Variants in RREB1 observed in about 807,000 individuals in gnomAD.
The protein encoded by RREB1 is ras-responsive element-binding protein 1.
RREB1 carries 27 observed loss-of-function variants against 117.8 expected under a neutral mutation model. That is an observed-to-expected ratio of 0.23 (90% CI 0.17 to 0.32). RREB1 has a LOEUF of 0.32. RREB1 is among the 10% of genes least tolerant of loss of function. The pLI, the probability that RREB1 is intolerant of heterozygous loss-of-function variation, is 1.00. For synonymous variants in RREB1, 1,298 were observed against 1,026.7 expected, an observed-to-expected ratio of 1.26 and a Z score of -5.05; for missense variants, 2,577 against 2,378.2, an observed-to-expected ratio of 1.08 and a Z score of -1.74.
chr6:7,134,896 T>C (rs1002604620), intron 1 of RREB1, among the ~76,000 whole-genome samples: 1 of 152,242 alleles, frequency 6.6e-6, no homozygotes, highest in African/African-American at 2.4e-5. Flanking sequence ...TAGGAAGATA[T>C]ATTTTCTTCC....
In RREB1 at chr6:7,248,503, T is replaced by C. The variant is rs1197429481; in HGVS notation, c.4772-8T>C. On this transcript the variant is annotated splice_polypyrimidine_tract_variant and splice_region_variant and intron_variant, in intron 12 of 12. Transcript: ENST00000379938. ...GGTTAATGGAAATTCTTTCTTCCAT[T>C]GTTCCAGGGGAAAGGCCATACAAAT... 1 of 1,612,694 alleles carries C rather than the reference T, an allele frequency of 6.2e-7. No individual in the cohort carries two copies. Among genetic ancestry groups the C allele is most frequent in the Non-Finnish European group, 8.5e-7 (1 of 1,178,778 alleles).
chr6:7,198,194 C>G (rs992438462), intron 6 of RREB1, among the ~76,000 whole-genome samples: 11 of 152,172 alleles, frequency 7.2e-5, no homozygotes, highest in African/African-American at 2.4e-4. Flanking sequence ...GGTGACCACT[C>G]AAAGGTTCAG....
intron 1 of RREB1, among the ~76,000 whole-genome samples, chr6:7,133,071 G>C (rs989830182): frequency 6.6e-6 from 1 of 152,186 alleles, no homozygotes; most frequent in African/African-American, 2.4e-5. Context: ...GGCAAGATTT[G>C]ATTAAATGAT....
intron 1 of RREB1, among the ~76,000 whole-genome samples, chr6:7,132,463 G>A (rs1396134333): frequency 6.6e-6 from 1 of 152,168 alleles, no homozygotes; most frequent in African/African-American, 2.4e-5. Context: ...ACCACGCCCA[G>A]CCACTTTTTG....
At chr6:7,204,871 A>T (rs76881622) in intron 6 of RREB1, among the ~76,000 whole-genome samples, 4 of 152,236 alleles carry the variant, frequency 2.6e-5, no homozygotes, top group African/African-American at 9.6e-5. Flanking sequence ...CTCTGAGGGC[A>T]GCTATGACTA....
chr6:7,120,753 C>T (rs1448230924), intron 1 of RREB1, among the ~76,000 whole-genome samples: 2 of 151,228 alleles, frequency 1.3e-5, no homozygotes, highest in Non-Finnish European at 2.9e-5. Context: ...CCCAAGTGAT[C>T]CTCCCACCTC....
intron 1 of RREB1, among the ~76,000 whole-genome samples, chr6:7,126,985 G>T (rs563325644): frequency 1.3e-5 from 2 of 152,330 alleles, no homozygotes; most frequent in Admixed American, 1.3e-4. Context: ...TTGTCATGTG[G>T]AGGAGGATGA....
Position 7,203,600 on chromosome 6 carries a change from T to C in RREB1, c.426-7204T>C, listed in dbSNP as rs140969093. ...CTCTGGGCTGATGAGCCGTGGAGAT[T>C]GAGAGTCCACCAAAGCGTTTGCTTA... On this transcript the variant is annotated intron_variant, in intron 6 of 12. Transcript: ENST00000379938. Among the ~76,000 whole-genome samples, 538 of 152,196 alleles carry C rather than the reference T, an allele frequency of 3.5e-3. 5 individuals carry two copies. The highest frequency in any genetic ancestry group is 0.012 in the African/African-American group (513 of 41,526).
intron 1 of RREB1, among the ~76,000 whole-genome samples, chr6:7,109,306 C>T (rs1036734580): frequency 3.9e-5 from 6 of 152,110 alleles, no homozygotes; most frequent in African/African-American, 4.8e-5. Context: ...CCCGCGCCCC[C>T]TCCCCGCTCG....
chr6:7,197,492 C>T (rs763533526), intron 6 of RREB1, among the ~76,000 whole-genome samples: 1 of 152,186 alleles, frequency 6.6e-6, no homozygotes. Flanking sequence ...TGAGAACAGC[C>T]TGGCCAACAT....
intron 10 of RREB1, among the ~76,000 whole-genome samples, chr6:7,238,739 CG>C (rs1201089493): frequency 6.6e-6 from 1 of 152,106 alleles, no homozygotes; most frequent in Non-Finnish European, 1.5e-5. Flanking sequence ...GCACACAGGC[CG>C]GATTTCTGGG....
Position 7,248,623 on chromosome 6 carries a change from G to A in RREB1, c.4884G>A (p.Lys1628=). The A allele has an allele frequency of 2.5e-6, 4 of 1,614,262 alleles. No individual in the cohort carries two copies. The highest frequency in any genetic ancestry group is 3.4e-6 in the Non-Finnish European group (4 of 1,180,048). The part of the protein sequence containing the change: ...QKARHAKHHG[K]DSDKEERGEE... The stretch of plus-strand genomic sequence containing the variant: ...CCAGGCATGCCAAACACCACGGGAA[G>A]GACAGCGACAAGGAAGAGCGGGGTG... Residue 1628 remains lysine, a synonymous_variant, in exon 13 of 13, where the codon AAG becomes AAA. Transcript: ENST00000379938.
At chr6:7,113,326 T>G (rs1761240646) in intron 1 of RREB1, among the ~76,000 whole-genome samples, 1 of 152,192 alleles carries the variant, frequency 6.6e-6, no homozygotes, top group Non-Finnish European at 1.5e-5. Context: ...TTTCTCTAGT[T>G]TGCTTGGTAT....
intron 6 of RREB1, among the ~76,000 whole-genome samples, chr6:7,190,842 G>T (rs1165627443): frequency 6.6e-6 from 1 of 152,102 alleles, no homozygotes; most frequent in African/African-American, 2.4e-5. Context: ...TAGAGGTATT[G>T]CCTGTTCCCC....
intron 1 of RREB1, among the ~76,000 whole-genome samples, chr6:7,123,770 C>G (rs1282033443): frequency 6.6e-6 from 1 of 152,064 alleles, no homozygotes; most frequent in African/African-American, 2.4e-5. Flanking sequence ...GCCACCACGC[C>G]TGGCTAATTT....
chr6:7,230,250 C>T lies in RREB1; in HGVS notation c.2151C>T (p.His717=), dbSNP rs147034062. Residue 717 remains histidine, a synonymous_variant, in exon 10 of 13, where the codon CAC becomes CAT. Coordinates refer to ENST00000379938, the MANE Select transcript of RREB1 (RefSeq NM_001003699.4). ...PFTVKANCER[H]LRKKHLKATR... ...CTGTCAAAGCCAACTGCGAGCGGCA[C>T]CTGCGCAAGAAGCACCTCAAGGCCA... The T allele has an allele frequency of 1.2e-5, 20 of 1,602,084 alleles. No individual in the cohort carries two copies. The African/African-American group carries it at 1.5e-4, about 12-fold the overall frequency.
rs1209238968 is a variant in RREB1, at chr6:7,246,481, C to T, written c.4031C>T (p.Ser1344Leu). 6.5e-7 allele frequency: 1 copy of T among 1,540,376 alleles called. No individual in the cohort carries two copies. Among genetic ancestry groups the T allele is most frequent in the Non-Finnish European group, 8.8e-7 (1 of 1,142,034 alleles). Residue 1344 changes from serine (S) to leucine (L), a missense_variant, in exon 12 of 13, where the codon TCA becomes TTA. Transcript: ENST00000379938. ...GCGGGCGAAGTGCTAGACCTCACCTCACGGGACAGAGAGCAGCCGTCGGAG... is the reference window on the plus strand; with the variant it reads ...GCGGGCGAAGTGCTAGACCTCACCTTACGGGACAGAGAGCAGCCGTCGGAG... Reference protein sequence around the residue: ...AAAGEVLDLTSRDREQPSEGA... With the variant: ...AAAGEVLDLTLRDREQPSEGA...
intron 6 of RREB1, among the ~76,000 whole-genome samples, chr6:7,204,181 G>A (rs138750659): frequency 2.3e-4 from 35 of 152,312 alleles, no homozygotes; most frequent in Non-Finnish European, 4.1e-4. Context: ...GAGAGCTGGT[G>A]TGACCTGCCT....
intron 1 of RREB1, among the ~76,000 whole-genome samples, chr6:7,137,355 C>T (rs538264152): frequency 2.6e-5 from 4 of 152,344 alleles, no homozygotes; most frequent in African/African-American, 7.2e-5. Flanking sequence ...GGGTGGAGGG[C>T]ATGACTGCAG....
Sources: gnomAD v4.1 joint callset for allele counts (sites outside exome capture counted in the v4.1 genomes callset) on GRCh38, gnomAD v4.1.1 for gene constraint, MANE v1.5 for transcripts, NCBI Gene and HGNC (gene_info 2026-07-23, HGNC 2026-07-21) for gene names.